The following ZNF316 variants were observed in gnomAD, a reference collection of about 807,000 sequenced individuals.
ZNF316 encodes the protein zinc finger protein 316.
In ZNF316, 23 loss-of-function variants were observed where a neutral mutation model predicts 75.6. The observed-to-expected ratio is 0.30, with a 90% CI of 0.22 to 0.43. The LOEUF is 0.43. Ranked by LOEUF, ZNF316 falls within the 20% of genes least tolerant of loss-of-function variation. The pLI, the probability that ZNF316 is intolerant of heterozygous loss-of-function variation, is 1.00. For synonymous variants in ZNF316, 827 were observed against 666.2 expected, an observed-to-expected ratio of 1.24 and a Z score of -3.72; for missense variants, 1,266 against 1,409.4, an observed-to-expected ratio of 0.90 and a Z score of 1.63.
At chr7:6,646,341 C>T (rs144933672) in intron 8 of ZNF316, among the ~76,000 whole-genome samples, 3 of 152,310 alleles carry the variant, frequency 2.0e-5, no homozygotes, top group South Asian at 2.1e-4. Context: ...ATGTGGATGA[C>T]GCTCTCAGGA....
At position 6,644,566 on chromosome 7, in the gene ZNF316, G is replaced by A; in HGVS notation, c.679G>A (p.Gly227Arg). ...WVPDSPRPEEGDIVTGVYTGA... is the reference protein window; with the variant it reads ...WVPDSPRPEERDIVTGVYTGA... ...CCCAGATAGTCCCCGACCTGAGGAA[G>A]GAGACATCGTCACTGGCGTCTACAC... Residue 227 changes from glycine to arginine, a missense_variant, in exon 8 of 9, where the codon GGA becomes AGA. Gly to Arg is a moderately radical substitution (Grantham distance 125). This residue lies in a region of ZNF316 where 961 missense variants were observed against 990.9 expected (regional missense o/e 0.97). Coordinates refer to ENST00000382252, the MANE Select transcript of ZNF316 (RefSeq NM_001278559.2). 8.1e-7 allele frequency: 1 copy of A among 1,232,362 alleles called. No homozygotes were observed. Among genetic ancestry groups the A allele is most frequent in the Non-Finnish European group, 1.0e-6 (1 of 988,016 alleles). The allele number at this position is 1,232,362 out of a possible 1,614,324, so 76.3% of individuals were successfully genotyped here. A position where few individuals can be genotyped will look rare whatever the true frequency, so the allele number is the denominator to read the frequency against.
Position 6,652,502 on chromosome 7 carries a change from C to T in ZNF316, c.906C>T (p.Gly302=), listed in dbSNP as rs1038859743. The change falls in exon 9 of 9, where the codon GGC becomes GGT. Residue 302 remains glycine, a synonymous_variant. Coordinates refer to ENST00000382252, the MANE Select transcript of ZNF316 (RefSeq NM_001278559.2). The stretch of plus-strand genomic sequence containing the variant: ...CAGAGGGGTGGGGACCCGACCCAGG[C>T]GGCCTGGGGGTCCTGGCCGACGGCT... ...QTPEGWGPDP[G]GLGVLADGSE... 6 of 1,231,240 alleles carry T rather than the reference C, an allele frequency of 4.9e-6. No individual in the cohort carries two copies. The highest frequency in any genetic ancestry group is 8.4e-5 in the Admixed American group (2 of 23,678). 76.3% of individuals were successfully genotyped at this position (1,231,240 alleles called of 1,614,324 possible). A position where few individuals can be genotyped will look rare whatever the true frequency, so the allele number is the denominator to read the frequency against.
intron 7 of ZNF316, among the ~76,000 whole-genome samples, chr7:6,644,200 C>A (rs1057053014): frequency 6.6e-6 from 1 of 152,028 alleles, no homozygotes; most frequent in African/African-American, 2.4e-5. Flanking sequence ...GCTGCATGGC[C>A]CCTGAAGCCT....
At chr7:6,651,508 A>G (rs1395575622) in intron 8 of ZNF316, among the ~76,000 whole-genome samples, 4 of 152,034 alleles carry the variant, frequency 2.6e-5, no homozygotes, top group Non-Finnish European at 5.9e-5. Context: ...TACAAAAATT[A>G]GCCAGCTGCG....
chr7:6,646,087 C>G (rs1779398015), intron 8 of ZNF316, among the ~76,000 whole-genome samples: 1 of 151,990 alleles, frequency 6.6e-6, no homozygotes, highest in Non-Finnish European at 1.5e-5. Context: ...ATCTGATCAC[C>G]TCCCACCAGG....
rs1779525311 is a variant in ZNF316 at position 6,652,493 on chromosome 7, C to T, written c.897C>T (p.Pro299=). The part of the protein sequence containing the change: ...DSAQTPEGWG[P]DPGGLGVLAD... Reference sequence around the variant, plus strand: ...CGCAGACTCCAGAGGGGTGGGGACCCGACCCAGGCGGCCTGGGGGTCCTGG... The same window carrying T: ...CGCAGACTCCAGAGGGGTGGGGACCTGACCCAGGCGGCCTGGGGGTCCTGG... The change falls in exon 9 of 9, where the codon CCC becomes CCT. Residue 299 remains proline, a synonymous_variant. Coordinates refer to ENST00000382252, the MANE Select transcript of ZNF316 (RefSeq NM_001278559.2). The T allele has an allele frequency of 4.9e-6, 6 of 1,231,412 alleles. No individual in the cohort carries two copies. Among genetic ancestry groups the T allele is most frequent in the Admixed American group, 4.2e-5 (1 of 23,700 alleles). 76.3% of individuals were successfully genotyped at this position (1,231,412 alleles called of 1,614,324 possible).
rs1045069774 is a variant in ZNF316 at position 6,654,797 on chromosome 7, T to TG, written c.*191dup. 2.3e-6 allele frequency: 1 copy of TG among 434,118 alleles called. No individual in the cohort carries two copies. The highest frequency in any genetic ancestry group is 2.1e-5 in the African/African-American group (1 of 46,952). 26.9% of individuals were successfully genotyped at this position (434,118 alleles called of 1,614,324 possible). On this transcript the variant is annotated 3_prime_UTR_variant, in exon 9 of 9. Transcript: ENST00000382252. ...GGGTCCGTGTGCTCAGCCGGAGACG[T>TG]GGGGGAGCTCTGGGGAGAAGAGCAG...
intron 8 of ZNF316, among the ~76,000 whole-genome samples, chr7:6,646,985 C>T (rs1779416616): frequency 6.6e-6 from 1 of 152,206 alleles, no homozygotes; most frequent in Admixed American, 6.5e-5. Context: ...CCCTCCCCTG[C>T]CCTGCCTTTC....
In ZNF316 at chr7:6,656,645, C is replaced by T. The variant is rs543352040; in HGVS notation, c.*2034C>T. On this transcript the variant is annotated 3_prime_UTR_variant, in exon 9 of 9. Transcript: ENST00000382252. ...CCACCGTATTCCTTGGTGGCCCCCA[C>T]GCTGCCCCACACTTGATGTAGTGTA... Among the ~76,000 whole-genome samples, 1 of 152,350 alleles carries T rather than the reference C, an allele frequency of 6.6e-6. No individual in the cohort carries two copies. Among genetic ancestry groups the T allele is most frequent in the South Asian group, 2.1e-4 (1 of 4,826 alleles).
intron 8 of ZNF316, among the ~76,000 whole-genome samples, chr7:6,645,849 C>T (rs1172176685): frequency 2.6e-5 from 4 of 151,524 alleles, no homozygotes; most frequent in Non-Finnish European, 5.9e-5. Flanking sequence ...CAAAAATTAG[C>T]TGGGTGTGGT....
chr7:6,646,542 G>A, intron 8 of ZNF316, among the ~76,000 whole-genome samples: 1 of 152,188 alleles, frequency 6.6e-6, no homozygotes, highest in East Asian at 1.9e-4. Flanking sequence ...GCTACCTGAG[G>A]GGCTGGCTGG....
Position 6,657,372 on chromosome 7 carries a change from C to T in ZNF316, c.*2761C>T, listed in dbSNP as rs2249393. On this transcript the variant is annotated 3_prime_UTR_variant, in exon 9 of 9. Transcript: ENST00000382252. ...TAGTGGTATGCATCTGTAGTCCCAT[C>T]TACTTGGGAGGCTGAGGTGGGAGGA... Among the ~76,000 whole-genome samples, 35,727 of 146,180 alleles carry T rather than the reference C, an allele frequency of 0.24. 5,178 individuals are homozygous for T. Among genetic ancestry groups the T allele is most frequent in the East Asian group, 0.64 (3,169 of 4,936 alleles).
chr7:6,649,541 G>C (rs1295686545), intron 8 of ZNF316, among the ~76,000 whole-genome samples: 2 of 152,198 alleles, frequency 1.3e-5, no homozygotes, highest in Non-Finnish European at 2.9e-5. Flanking sequence ...TGTCCCTGGA[G>C]CCCTGTTGGC....
intron 3 of ZNF316, among the ~76,000 whole-genome samples, chr7:6,641,609 TGA>T (rs948049774): frequency 1.1e-4 from 16 of 152,324 alleles, no homozygotes; most frequent in African/African-American, 3.6e-4. Flanking sequence ...CTGATGTCAG[TGA>T]GAGAGTAGGA....
rs1779585632 is a variant in ZNF316, at chr7:6,654,657, C to T, written c.*46C>T. On this transcript the variant is annotated 3_prime_UTR_variant, in exon 9 of 9. Coordinates refer to ENST00000382252, the MANE Select transcript of ZNF316 (RefSeq NM_001278559.2). ...GCGCAGCCTGCAGGGCCACCGGCCCCTCCCTTGGACGGCCGGCCCCCCGCT... is the reference window on the plus strand; with the variant it reads ...GCGCAGCCTGCAGGGCCACCGGCCCTTCCCTTGGACGGCCGGCCCCCCGCT... 3 of 1,162,718 alleles carry T rather than the reference C, an allele frequency of 2.6e-6. No individual in the cohort carries two copies. The highest frequency in any genetic ancestry group is 3.2e-6 in the Non-Finnish European group (3 of 942,796). 72.0% of individuals were successfully genotyped at this position (1,162,718 alleles called of 1,614,324 possible).
rs1282236887 is a variant in ZNF316, at chr7:6,655,017, C to G, written c.*406C>G. 4 of 153,286 alleles carry G rather than the reference C, an allele frequency of 2.6e-5. No homozygotes were observed. The highest frequency in any genetic ancestry group is 1.9e-4 in the East Asian group (1 of 5,258). The allele number at this position is 153,286 out of a possible 1,614,324, so 9.5% of individuals were successfully genotyped here. ...TGGCGGCGAGGGAGGGGCCCGGCCA[C>G]CCAGGTGGGCCAGCGGGATGCCTGG... On this transcript the variant is annotated 3_prime_UTR_variant, in exon 9 of 9. Coordinates refer to ENST00000382252, the MANE Select transcript of ZNF316 (RefSeq NM_001278559.2).
rs956034294 is a variant in ZNF316 at position 6,654,670 on chromosome 7, C to G, written c.*59C>G. 3.0e-5 allele frequency: 34 copies of G among 1,146,596 alleles called. No homozygotes were observed. The highest frequency in any genetic ancestry group is 3.7e-5 in the Non-Finnish European group (34 of 931,500). The allele number at this position is 1,146,596 out of a possible 1,614,324, so 71.0% of individuals were successfully genotyped here. On this transcript the variant is annotated 3_prime_UTR_variant, in exon 9 of 9. Coordinates refer to ENST00000382252, the MANE Select transcript of ZNF316 (RefSeq NM_001278559.2). The stretch of plus-strand genomic sequence containing the variant: ...GGCCACCGGCCCCTCCCTTGGACGG[C>G]CGGCCCCCCGCTCCTCGGGCCCCGG...
chr7:6,653,522 G>C lies in ZNF316; in HGVS notation c.1926G>C (p.Leu642=). ...LPAPLGGPLS[L]VEGTGLACDP... ...CGCCCCTGGGGGGCCCGCTCTCCCT[G>C]GTGGAGGGTACCGGGCTGGCGTGCG... The change falls in exon 9 of 9, where the codon CTG becomes CTC. Residue 642 remains leucine (L), a synonymous_variant. Coordinates refer to ENST00000382252, the MANE Select transcript of ZNF316 (RefSeq NM_001278559.2). 1.6e-6 allele frequency: 2 copies of C among 1,219,348 alleles called. No individual in the cohort carries two copies. Among genetic ancestry groups the C allele is most frequent in the African/African-American group, 3.1e-5 (2 of 63,796 alleles). The allele number at this position is 1,219,348 out of a possible 1,614,324, so 75.5% of individuals were successfully genotyped here.
At chr7:6,646,767 C>T (rs1049172618) in intron 8 of ZNF316, among the ~76,000 whole-genome samples, 3 of 152,050 alleles carry the variant, frequency 2.0e-5, no homozygotes, top group Admixed American at 1.3e-4. Context: ...TGGTTGAGAT[C>T]GCTGGGGCAG....
Sources: gnomAD v4.1 joint callset for allele counts (sites outside exome capture counted in the v4.1 genomes callset) on GRCh38, gnomAD v4.1.1 for gene constraint, gnomAD v4.1.1 regional missense constraint, MANE v1.5 for transcripts, NCBI Gene and HGNC (gene_info 2026-07-23, HGNC 2026-07-21) for gene names.